Variants in MITF observed in about 807,000 individuals in gnomAD.
MITF encodes the protein melanocyte inducing transcription factor, also known as microphthalmia-associated transcription factor.
Under a neutral mutation model 60.5 loss-of-function variants are expected in MITF, and 17 were observed. The ratio of observed to expected loss-of-function variants is 0.28; its 90% CI spans 0.19 to 0.42. The LOEUF is 0.42. MITF is among the 10% of genes least tolerant of loss of function. The pLI is 1.00. For synonymous variants in MITF, 260 were observed against 248.5 expected (o/e 1.05, Z -0.43); for missense variants, 622 against 683.5 (o/e 0.91, Z 1.00).
At chr3:69,770,882 C>A (rs1411010153) in intron 1 of MITF, among the ~76,000 whole-genome samples, 2 of 152,034 alleles carry the variant, frequency 1.3e-5, no homozygotes, top group Non-Finnish European at 2.9e-5. Flanking sequence ...GAGAACTATT[C>A]AAAGATAAGA....
At chr3:69,741,244 T>C (rs901219126) in intron 1 of MITF, among the ~76,000 whole-genome samples, 44 of 152,184 alleles carry the variant, frequency 2.9e-4, no homozygotes, top group Non-Finnish European at 5.9e-5. Context: ...GTTATGCTCA[T>C]CAGGGCTTTA....
Position 69,879,415 on chromosome 3 carries a change from A to G in MITF, c.354+32A>G, listed in dbSNP as rs545979919. ...GAGTGTTGCTCTTGTTGGTTGGACCAAACTCTCTTCCATTTTCCATTTGCT... is the reference window on the plus strand; with the variant it reads ...GAGTGTTGCTCTTGTTGGTTGGACCGAACTCTCTTCCATTTTCCATTTGCT... On this transcript the variant is annotated intron_variant, in intron 2 of 9. Coordinates refer to ENST00000352241, the MANE Select transcript of MITF (RefSeq NM_001354604.2). The G allele has an allele frequency of 1.1e-5, 18 of 1,613,944 alleles. No individual in the cohort carries two copies. In the South Asian group the frequency reaches 1.9e-4, roughly 17 times the overall value.
chr3:69,816,558 C>CT (rs1240001752), intron 1 of MITF, among the ~76,000 whole-genome samples: 1 of 152,156 alleles, frequency 6.6e-6, no homozygotes, highest in East Asian at 1.9e-4. Context: ...GTAATTTACT[C>CT]TAACAATTTT....
intron 1 of MITF, among the ~76,000 whole-genome samples, chr3:69,853,301 A>G (rs2063857055): frequency 6.6e-6 from 1 of 152,028 alleles, no homozygotes; most frequent in African/African-American, 2.4e-5. Context: ...AGTAAGAGAT[A>G]CCTCTGACCC....
intron 1 of MITF, among the ~76,000 whole-genome samples, chr3:69,862,851 A>C (rs940838404): frequency 2.0e-5 from 3 of 152,176 alleles, no homozygotes; most frequent in African/African-American, 7.2e-5. Flanking sequence ...TTGCAGAAGC[A>C]CTGGAGTACT....
chr3:69,952,752 T>C (rs2066287878), intron 7 of MITF, among the ~76,000 whole-genome samples: 1 of 152,188 alleles, frequency 6.6e-6, no homozygotes, highest in African/African-American at 2.4e-5. Context: ...ATAAATCATA[T>C]GGATTTCTAT....
In MITF at chr3:69,779,724, T is replaced by A. The variant is rs184925792; in HGVS notation, c.104+40023T>A. 3.2e-4 allele frequency among the ~76,000 whole-genome samples: 48 copies of A among 152,288 alleles called. No homozygotes were observed. The East Asian group carries it at 5.6e-3, about 18-fold the overall frequency. ...ATAATTAAAATTAAAATTAAAATTT[T>A]CATTTTGATATAATTATAGATTAAC... On this transcript the variant is annotated intron_variant, in intron 1 of 9. Coordinates refer to ENST00000352241, the MANE Select transcript of MITF (RefSeq NM_001354604.2).
intron 1 of MITF, chr3:69,866,442 T>C: frequency 6.7e-7 from 1 of 1,488,278 alleles, no homozygotes; most frequent in Non-Finnish European, 9.1e-7. Flanking sequence ...GAGAAGGGTT[T>C]ATTGGGAGTT....
intron 1 of MITF, among the ~76,000 whole-genome samples, chr3:69,797,496 T>C (rs113674291): frequency 0.023 from 3,465 of 152,270 alleles, 131 homozygotes; most frequent in African/African-American, 0.079. Context: ...AAATAAATAA[T>C]ACAATATTAT....
chr3:69,964,765 G>C, intron 9 of MITF, 82 bp from the exon 10 acceptor site: 4 of 1,267,154 alleles, frequency 3.2e-6, no homozygotes, highest in Non-Finnish European at 4.6e-6. Context: ...TACCATTATA[G>C]TATCATATAG....
chr3:69,759,581 A>G (rs1026614461), intron 1 of MITF, among the ~76,000 whole-genome samples: 1 of 152,210 alleles, frequency 6.6e-6, no homozygotes. Flanking sequence ...TGAGTAGGTG[A>G]ATTTGAAAGT....
chr3:69,812,594 A>G (rs2107004527), intron 1 of MITF, among the ~76,000 whole-genome samples: 1 of 152,296 alleles, frequency 6.6e-6, no homozygotes, highest in South Asian at 2.1e-4. Context: ...AGAATTTCTG[A>G]TTATTTGCTG....
At chr3:69,795,564 A>G (rs2062813948) in intron 1 of MITF, among the ~76,000 whole-genome samples, 1 of 151,964 alleles carries the variant, frequency 6.6e-6, no homozygotes, top group Admixed American at 6.6e-5. Flanking sequence ...CATCTCTACA[A>G]AAATTTTAAA....
intron 2 of MITF, among the ~76,000 whole-genome samples, chr3:69,917,412 T>C (rs2065360317): frequency 7.3e-6 from 1 of 136,846 alleles, no homozygotes; most frequent in Non-Finnish European, 1.5e-5. Flanking sequence ...TCTTTAGCCC[T>C]TAAAGTCAGC....
At chr3:69,792,006 G>C (rs550695006) in intron 1 of MITF, among the ~76,000 whole-genome samples, 34 of 152,346 alleles carry the variant, frequency 2.2e-4, no homozygotes, top group African/African-American at 8.2e-4. Context: ...TGCCCTGAGA[G>C]TTGCTCCTTG....
intron 2 of MITF, among the ~76,000 whole-genome samples, chr3:69,918,771 G>A (rs1415987435): frequency 6.6e-6 from 1 of 152,180 alleles, no homozygotes; most frequent in East Asian, 1.9e-4. Context: ...TTGTATATAA[G>A]AGATGCTCAA....
At chr3:69,886,941 T>C (rs1447636790) in intron 2 of MITF, among the ~76,000 whole-genome samples, 2 of 152,116 alleles carry the variant, frequency 1.3e-5, no homozygotes, top group African/African-American at 2.4e-5. Context: ...TATTTACTAA[T>C]ATATTTGCAT....
intron 1 of MITF, among the ~76,000 whole-genome samples, chr3:69,812,855 G>A (rs2063122078): frequency 6.6e-6 from 1 of 152,076 alleles, no homozygotes; most frequent in Non-Finnish European, 1.5e-5. Flanking sequence ...TAGTGGATTG[G>A]GCAATGGGAA....
intron 1 of MITF, among the ~76,000 whole-genome samples, chr3:69,805,998 A>C (rs1209792612): frequency 6.6e-6 from 1 of 152,124 alleles, no homozygotes; most frequent in Admixed American, 6.5e-5. Flanking sequence ...TAGAGCTGTT[A>C]TGACTTAGTC....
Sources: gnomAD v4.1 joint callset for allele counts (sites outside exome capture counted in the v4.1 genomes callset) on GRCh38, gnomAD v4.1.1 for gene constraint, MANE v1.5 for transcripts, NCBI Gene and HGNC (gene_info 2026-07-23, HGNC 2026-07-21) for gene names.